Variants in NR3C2 observed in about 807,000 individuals in gnomAD.
NR3C2 encodes the protein mineralocorticoid receptor.
In NR3C2, 15 loss-of-function variants were observed where a neutral mutation model predicts 86.4. The observed-to-expected ratio is 0.17, with a 90% CI of 0.12 to 0.27. NR3C2 has a LOEUF of 0.27. Ranked by LOEUF, NR3C2 falls within the 10% of genes least tolerant of loss-of-function variation. The pLI, the probability that NR3C2 is intolerant of heterozygous loss-of-function variation, is 1.00. For synonymous variants in NR3C2, 458 were observed against 450.5 expected (o/e 1.02, Z -0.21); for missense variants, 960 against 1,195.6 (o/e 0.80, Z 2.91).
At chr4:148,237,625 G>A (rs557875812) in intron 3 of NR3C2, among the ~76,000 whole-genome samples, 50 of 142,936 alleles carry the variant, frequency 3.5e-4, no homozygotes, top group Non-Finnish European at 2.9e-4. Flanking sequence ...ATTCTGCAGC[G>A]CTTCAATAAT....
chr4:148,157,302 T>C (rs893682800), intron 4 of NR3C2, among the ~76,000 whole-genome samples: 49 of 152,222 alleles, frequency 3.2e-4, no homozygotes, highest in African/African-American at 1.2e-3. Context: ...ACTTAAAGTA[T>C]AATTAAAAAA....
chr4:148,391,821 T>C (rs541998875), intron 2 of NR3C2, among the ~76,000 whole-genome samples: 127 of 144,684 alleles, frequency 8.8e-4, no homozygotes, highest in Non-Finnish European at 1.7e-3. Context: ...GAGCCAAGAT[T>C]GGGCCACTGC....
chr4:148,442,613 C>A, upstream of NR3C2: 2 of 982,930 alleles, frequency 2.0e-6, no homozygotes, highest in South Asian at 4.7e-5. Context: ...GGCTCCACGC[C>A]GCACGGGTCA....
intron 2 of NR3C2, among the ~76,000 whole-genome samples, chr4:148,295,342 G>T (rs1741996478): frequency 6.6e-6 from 1 of 151,712 alleles, no homozygotes; most frequent in Admixed American, 6.6e-5. Flanking sequence ...ACACTGTCCT[G>T]AATAAAATTC....
intron 2 of NR3C2, among the ~76,000 whole-genome samples, chr4:148,291,918 T>C (rs552416065): frequency 2.8e-3 from 431 of 152,246 alleles, no homozygotes; most frequent in Non-Finnish European, 4.4e-3. Flanking sequence ...GTGGGGAAAA[T>C]CATCTAACAC....
intron 3 of NR3C2, among the ~76,000 whole-genome samples, chr4:148,250,896 T>G (rs1195688715): frequency 6.6e-6 from 1 of 152,100 alleles, no homozygotes; most frequent in African/African-American, 2.4e-5. Context: ...CAGAGCTGGG[T>G]CTGCTCAAGC....
At chr4:148,273,215 C>A (rs1462264814) in intron 2 of NR3C2, among the ~76,000 whole-genome samples, 1 of 152,142 alleles carries the variant, frequency 6.6e-6, no homozygotes, top group Non-Finnish European at 1.5e-5. Context: ...AATGTTTCGA[C>A]TAGATTTCAA....
rs553692879 is a variant in NR3C2, at chr4:148,241,162, T to C, written c.1897+18816A>G. On this transcript the variant is annotated intron_variant, in intron 3 of 8. Coordinates refer to ENST00000358102, the MANE Select transcript of NR3C2 (RefSeq NM_000901.5). ...CTCTACTAAAAATACAAAAATTAGC[T>C]AGGCATGGTGGCGCACACCTGTAGT... Among the ~76,000 whole-genome samples the C allele has an allele frequency of 3.3e-5, 5 of 151,230 alleles. No homozygotes were observed. The East Asian group carries it at 5.9e-4, about 18-fold the overall frequency.
At chr4:148,198,039 G>T (rs1352554801) in intron 3 of NR3C2, among the ~76,000 whole-genome samples, 1 of 151,956 alleles carries the variant, frequency 6.6e-6, no homozygotes, top group Non-Finnish European at 1.5e-5. Context: ...GGATAAACTT[G>T]AATGAAGTAG....
At chr4:148,318,451 A>G (rs1376711965) in intron 2 of NR3C2, among the ~76,000 whole-genome samples, 1 of 149,164 alleles carries the variant, frequency 6.7e-6, no homozygotes, top group Non-Finnish European at 1.5e-5. Flanking sequence ...GAATCGCCAC[A>G]CTGACTTCCA....
At chr4:148,368,792 A>G (rs185079795) in intron 2 of NR3C2, among the ~76,000 whole-genome samples, 2 of 152,318 alleles carry the variant, frequency 1.3e-5, no homozygotes, top group African/African-American at 4.8e-5. Context: ...ACCCACAGGG[A>G]GACCCCAGAA....
intron 3 of NR3C2, among the ~76,000 whole-genome samples, chr4:148,231,379 TCAC>T (rs1261330877): frequency 2.0e-5 from 3 of 152,150 alleles, no homozygotes; most frequent in African/African-American, 7.2e-5. Context: ...CTGTTCCAGA[TCAC>T]CACAATAAAG....
At position 148,372,494 on chromosome 4, in the gene NR3C2, T is replaced by G. The variant is rs942306159; in HGVS notation, c.1757+62610A>C. Among the ~76,000 whole-genome samples the G allele has an allele frequency of 3.3e-5, 5 of 152,136 alleles. No homozygotes were observed. In the East Asian group the frequency reaches 9.7e-4, roughly 29 times the overall value. The stretch of plus-strand genomic sequence containing the variant: ...GAGGTCACAAACCAAAGAGGCATTC[T>G]TAACATGTTAAAAAAAAAACCCACT... On this transcript the variant is annotated intron_variant, in intron 2 of 8. Coordinates refer to ENST00000358102, the MANE Select transcript of NR3C2 (RefSeq NM_000901.5).
chr4:148,147,531 A>G (rs1464723895), intron 6 of NR3C2, among the ~76,000 whole-genome samples: 1 of 152,240 alleles, frequency 6.6e-6, no homozygotes, highest in Admixed American at 6.5e-5. Context: ...CAGCTGCTAG[A>G]GATTCAGAAA....
chr4:148,326,234 C>CAAA (rs11381917), intron 2 of NR3C2, among the ~76,000 whole-genome samples: 31 of 133,734 alleles, frequency 2.3e-4, no homozygotes, highest in African/African-American at 4.7e-4. Flanking sequence ...ACTAAAAATA[C>CAAA]AAAAAAAAAA....
At chr4:148,081,596 T>A in intron 8 of NR3C2, 97 bp from the exon 9 acceptor site, 1 of 1,540,014 alleles carries the variant, frequency 6.5e-7, no homozygotes, top group Non-Finnish European at 8.9e-7. Flanking sequence ...ATGACAACAT[T>A]TAGAAAGCCT....
chr4:148,349,642 T>C (rs1484523674), intron 2 of NR3C2, among the ~76,000 whole-genome samples: 1 of 5,310 alleles, frequency 1.9e-4, no homozygotes, highest in African/African-American at 2.2e-4. Flanking sequence ...GGTGGTGGCT[T>C]GGGGAAAAAA....
intron 2 of NR3C2, among the ~76,000 whole-genome samples, chr4:148,299,660 G>A (rs1166769733): frequency 4.6e-5 from 7 of 152,200 alleles, no homozygotes; most frequent in Non-Finnish European, 1.0e-4. Context: ...GGGAAGAAAC[G>A]GCAATTAGAA....
In NR3C2 at chr4:148,261,419, A is replaced by G. The variant is rs183565370; in HGVS notation, c.1758-1302T>C. Among the ~76,000 whole-genome samples the G allele has an allele frequency of 7.9e-5, 12 of 151,948 alleles. No homozygotes were observed. In the East Asian group the frequency reaches 1.9e-3, roughly 25 times the overall value. Reference sequence around the variant, plus strand: ...GCTATGGTCAGTGCTATGGTGCGCTATGGTAAGCGCTATGGTGCGCTACGG... The same window carrying G: ...GCTATGGTCAGTGCTATGGTGCGCTGTGGTAAGCGCTATGGTGCGCTACGG... On this transcript the variant is annotated intron_variant, in intron 2 of 8. Transcript: ENST00000358102.
Sources: gnomAD v4.1 joint callset for allele counts (sites outside exome capture counted in the v4.1 genomes callset) on GRCh38, gnomAD v4.1.1 for gene constraint, MANE v1.5 for transcripts, NCBI Gene and HGNC (gene_info 2026-07-23, HGNC 2026-07-21) for gene names.